The following PTPRE variants were observed in gnomAD, a reference collection of about 807,000 sequenced individuals.
The protein encoded by PTPRE is receptor-type tyrosine-protein phosphatase epsilon.
A neutral mutation model predicts 102.0 loss-of-function variants in PTPRE; 51 were observed. The observed-to-expected ratio is 0.50, with a 90% CI of 0.40 to 0.63. The LOEUF (loss-of-function observed/expected upper bound fraction) is 0.63, where lower values mean the gene tolerates loss of function less well. Among genes scored for constraint, PTPRE ranks in the 30% least tolerant of loss-of-function variants. PTPRE has a pLI of 0.00. For synonymous variants in PTPRE, 345 were observed against 348.2 expected (o/e 0.99, Z 0.10); for missense variants, 752 against 915.1 (o/e 0.82, Z 2.30).
Position 128,064,324 on chromosome 10 carries a change from G to A in PTPRE, c.723+1144G>A, listed in dbSNP as rs140358865. Among the ~76,000 whole-genome samples, 245 of 152,378 alleles carry A rather than the reference G, an allele frequency of 1.6e-3. 1 individual carries two copies. Among genetic ancestry groups the A allele is most frequent in the Non-Finnish European group, 3.0e-3 (201 of 68,024 alleles). ...GGAGGCTTTCATTCTGCTCTGGGGG[G>A]AGCTGAAACAGGACTGTGGAGGGCC... On this transcript the variant is annotated intron_variant, in intron 10 of 20. Transcript: ENST00000254667.
intron 1 of PTPRE, among the ~76,000 whole-genome samples, chr10:127,935,754 T>G (rs748399433): frequency 6.6e-6 from 1 of 152,162 alleles, no homozygotes; most frequent in Non-Finnish European, 1.5e-5. Context: ...CCCAGGCACA[T>G]CAAGCACTGC....
At chr10:127,945,706 G>A (rs1848574557) in intron 1 of PTPRE, among the ~76,000 whole-genome samples, 1 of 152,126 alleles carries the variant, frequency 6.6e-6, no homozygotes, top group South Asian at 2.1e-4. Flanking sequence ...CAAAGGGCGG[G>A]CCAACAGGTC....
At chr10:127,919,790 C>T (rs1471778068) in intron 1 of PTPRE, among the ~76,000 whole-genome samples, 2 of 152,168 alleles carry the variant, frequency 1.3e-5, no homozygotes, top group Non-Finnish European at 2.9e-5. Context: ...GTGGAAACAT[C>T]TTATGTGCAG....
chr10:127,988,304 C>CTT (rs57166500), intron 2 of PTPRE, among the ~76,000 whole-genome samples: 2,569 of 123,788 alleles, frequency 0.021, 56 homozygotes, highest in African/African-American at 0.035. Flanking sequence ...TTTTTCTTTT[C>CTT]TTTTTTTTTT....
At chr10:127,932,311 G>A (rs952827782) in intron 1 of PTPRE, among the ~76,000 whole-genome samples, 3 of 152,178 alleles carry the variant, frequency 2.0e-5, no homozygotes, top group Non-Finnish European at 4.4e-5. Flanking sequence ...TAGCTTTATC[G>A]ATAAATGGAT....
At chr10:128,016,352 T>C (rs926782388) in intron 2 of PTPRE, among the ~76,000 whole-genome samples, 1 of 152,188 alleles carries the variant, frequency 6.6e-6, no homozygotes, top group African/African-American at 2.4e-5. Flanking sequence ...TGTACTCTTA[T>C]GTTAACCAGG....
chr10:127,979,958 C>T (rs184476714), intron 1 of PTPRE, among the ~76,000 whole-genome samples: 1 of 152,322 alleles, frequency 6.6e-6, no homozygotes, highest in African/African-American at 2.4e-5. Flanking sequence ...GGAGGTATAA[C>T]TTCCATTCCT....
chr10:128,084,604 C>T lies in PTPRE; in HGVS notation c.*1698C>T, dbSNP rs1851968596. On this transcript the variant is annotated 3_prime_UTR_variant, in exon 21 of 21. Transcript: ENST00000254667. ...GGGCTGCACACTGCTGAACGTGCTC[C>T]TCTCTCCTTCTCTGTACAATGATTC... 6.6e-6 allele frequency: 1 copy of T among 152,546 alleles called. No homozygotes were observed. Among genetic ancestry groups the T allele is most frequent in the Non-Finnish European group, 1.5e-5 (1 of 68,266 alleles). 9.4% of individuals were successfully genotyped at this position (152,546 alleles called of 1,614,324 possible).
In PTPRE at chr10:127,944,067, G is replaced by A. The variant is rs1848441251; in HGVS notation, c.-31+36758G>A. Among the ~76,000 whole-genome samples the A allele has an allele frequency of 6.6e-6, 1 of 152,180 alleles. No individual in the cohort carries two copies. The highest frequency in any genetic ancestry group is 2.4e-5 in the African/African-American group (1 of 41,430). On this transcript the variant is annotated intron_variant, in intron 1 of 20. Coordinates refer to ENST00000254667, the MANE Select transcript of PTPRE (RefSeq NM_006504.6). The surrounding 1 kb of genome is among the most constrained non-coding windows in gnomAD (Gnocchi z 4.2). ...GGGCACACAAAGTTGCTCCTGTCAGGGATGTGAGTCAGCCAATGGCCAAGC... is the reference window on the plus strand; with the variant it reads ...GGGCACACAAAGTTGCTCCTGTCAGAGATGTGAGTCAGCCAATGGCCAAGC...
intron 2 of PTPRE, among the ~76,000 whole-genome samples, chr10:128,025,838 G>A (rs936206923): frequency 5.9e-5 from 9 of 152,212 alleles, no homozygotes; most frequent in African/African-American, 2.2e-4. Flanking sequence ...CCAGGGCACT[G>A]TCTGTTCCCC....
At chr10:128,077,887 G>T in intron 19 of PTPRE, 104 bp downstream of exon 19, 1 of 1,342,524 alleles carries the variant, frequency 7.4e-7, no homozygotes, top group Non-Finnish European at 1.0e-6. Flanking sequence ...CCCTGGCCAT[G>T]GTATTCCCTA....
intron 1 of PTPRE, among the ~76,000 whole-genome samples, chr10:127,952,107 A>G (rs767428320): frequency 6.6e-6 from 1 of 152,186 alleles, no homozygotes; most frequent in Non-Finnish European, 1.5e-5. Context: ...GGGGTATATC[A>G]GTTCTCTAGC....
At chr10:128,068,666 T>G (rs990163540) in intron 12 of PTPRE, 1 of 160,736 alleles carries the variant, frequency 6.2e-6, no homozygotes, top group Non-Finnish European at 1.4e-5. Context: ...ACACAAGTCG[T>G]TATGGAAGAG....
chr10:128,010,545 C>CCTTTTCTTTTCTTCT, intron 2 of PTPRE, among the ~76,000 whole-genome samples: 1 of 128,330 alleles, frequency 7.8e-6, no homozygotes, highest in East Asian at 2.2e-4. Context: ...AAACCCTGTT[C>CCTTTTCTTTTCTTCT]CTTTTCTTTT....
chr10:127,937,870 A>G (rs995387429), intron 1 of PTPRE, among the ~76,000 whole-genome samples: 6 of 152,108 alleles, frequency 3.9e-5, no homozygotes, highest in African/African-American at 1.4e-4. Context: ...AAAAAATAAA[A>G]GTAAAATAAG....
rs952144784 is a variant in PTPRE at position 128,076,716 on chromosome 10, C to T, written c.1713C>T (p.Val571=). 6.2e-7 allele frequency: 1 copy of T among 1,611,238 alleles called. No homozygotes were observed. The highest frequency in any genetic ancestry group is 8.5e-7 in the Non-Finnish European group (1 of 1,179,322). Reference sequence around the variant, plus strand: ...CCATCAGTATACGAGACTTTCTGGTCACTCTCAATCAGGTATTGTTGAAGT... The same window carrying T: ...CCATCAGTATACGAGACTTTCTGGTTACTCTCAATCAGGTATTGTTGAAGT... ...SEAISIRDFL[V]TLNQPQARQE... The change falls in exon 18 of 21, where the codon GTC becomes GTT. Residue 571 remains valine (V), a synonymous_variant. Transcript: ENST00000254667.
At chr10:127,999,733 T>C (rs1433797270) in intron 2 of PTPRE, 1 of 985,064 alleles carries the variant, frequency 1.0e-6, no homozygotes, top group Non-Finnish European at 1.2e-6. Flanking sequence ...TCCTGTAAAT[T>C]TCTCCCTGCT....
At position 128,061,813 on chromosome 10, in the gene PTPRE, T is replaced by G. The variant is rs61312995; in HGVS notation, c.625+98T>G. 943 of 1,424,682 alleles carry G rather than the reference T, an allele frequency of 6.6e-4. 6 individuals are homozygous for G. The African/African-American group carries it at 0.011, about 17-fold the overall frequency. The allele number at this position is 1,424,682 out of a possible 1,614,324, so 88.3% of individuals were successfully genotyped here. The stretch of plus-strand genomic sequence containing the variant: ...ACAAGACCAAGGACTTATACTGGAT[T>G]TGTGTGTGTGTGTTTACACCTAACA... On this transcript the variant is annotated intron_variant, in intron 9 of 20. Coordinates refer to ENST00000254667, the MANE Select transcript of PTPRE (RefSeq NM_006504.6).
At chr10:128,025,328 G>A (rs952625866) in intron 2 of PTPRE, among the ~76,000 whole-genome samples, 11 of 152,152 alleles carry the variant, frequency 7.2e-5, no homozygotes, top group African/African-American at 2.7e-4. Context: ...TCCCCAGTGA[G>A]GACCCACGGC....
Sources: gnomAD v4.1 joint callset for allele counts (sites outside exome capture counted in the v4.1 genomes callset) on GRCh38, gnomAD v4.1.1 for gene constraint, Gnocchi (gnomAD v3.1) non-coding constraint, MANE v1.5 for transcripts, NCBI Gene and HGNC (gene_info 2026-07-23, HGNC 2026-07-21) for gene names.